NRG1: variants seen among roughly 807,000 people sequenced by gnomAD.
NRG1 encodes neuregulin 1, also known as pro-neuregulin-1, membrane-bound isoform.
NRG1 carries 18 observed loss-of-function variants against 63.8 expected under a neutral mutation model. That is an observed-to-expected ratio of 0.28 (90% CI 0.19 to 0.42). NRG1 has a LOEUF of 0.42. Ranked by LOEUF, NRG1 falls within the 10% of genes least tolerant of loss-of-function variation. NRG1 has a pLI of 1.00. For missense variants in NRG1, 762 were observed against 814.7 expected (o/e 0.94, Z 0.79); for synonymous variants, 302 against 301.3 (o/e 1.00, Z -0.02).
intron 1 of NRG1, among the ~76,000 whole-genome samples, chr8:32,133,449 C>T (rs555678093): frequency 1.2e-4 from 19 of 152,004 alleles, no homozygotes; most frequent in Non-Finnish European, 1.3e-4. Context: ...ATGACAGGAA[C>T]CCATGTGGTT....
At chr8:32,759,954 G>A (rs776236229) in intron 10 of NRG1, among the ~76,000 whole-genome samples, 3 of 152,066 alleles carry the variant, frequency 2.0e-5, no homozygotes, top group Non-Finnish European at 4.4e-5. Context: ...AGTGGCATTC[G>A]AAAATATTTA....
At chr8:31,839,149 T>A (rs1825955734) in intron 1 of NRG1, among the ~76,000 whole-genome samples, 1 of 152,230 alleles carries the variant, frequency 6.6e-6, no homozygotes, top group African/African-American at 2.4e-5. Context: ...ATAAATGAAC[T>A]ATTTTAGCCT....
chr8:31,906,087 C>T (rs1301380976), intron 1 of NRG1, among the ~76,000 whole-genome samples: 3 of 152,168 alleles, frequency 2.0e-5, no homozygotes, highest in Non-Finnish European at 4.4e-5. Context: ...GTCAGGAATC[C>T]AACAACAGCT....
intron 1 of NRG1, among the ~76,000 whole-genome samples, chr8:31,643,318 A>C (rs1280512085): frequency 6.6e-6 from 1 of 152,232 alleles, no homozygotes; most frequent in African/African-American, 2.4e-5. Context: ...ATTTTGTGAT[A>C]TCATACCCAG....
Position 32,384,027 on chromosome 8 carries a change from G to A in NRG1, c.38-211801G>A, listed in dbSNP as rs113990539. On this transcript the variant is annotated intron_variant, in intron 1 of 10. Transcript: ENST00000519301. ...AGGAGGGAGGATCACTTGAGCCCAG[G>A]AGTTTAAGATCAGACTAGGCAACAT... Among the ~76,000 whole-genome samples the A allele has an allele frequency of 2.5e-3, 381 of 152,246 alleles. 3 individuals carry two copies. Among genetic ancestry groups the A allele is most frequent in the African/African-American group, 8.9e-3 (370 of 41,544 alleles).
intron 1 of NRG1, among the ~76,000 whole-genome samples, chr8:32,176,420 A>G (rs1010987836): frequency 1.3e-5 from 2 of 152,254 alleles, no homozygotes; most frequent in Admixed American, 6.5e-5. Context: ...GGCATGGACA[A>G]GGACTTCATG....
At chr8:32,647,321 G>A in intron 5 of NRG1, 1 of 985,372 alleles carries the variant, frequency 1.0e-6, no homozygotes, top group Non-Finnish European at 1.2e-6. Context: ...TTCTTCATCT[G>A]AGCAGACACC....
intron 1 of NRG1, among the ~76,000 whole-genome samples, chr8:32,329,441 GA>G (rs1222373548): frequency 2.6e-5 from 4 of 152,038 alleles, no homozygotes; most frequent in Admixed American, 6.5e-5. Flanking sequence ...TCAGAAAAGT[GA>G]AAAAAAGTTT....
intron 1 of NRG1, among the ~76,000 whole-genome samples, chr8:32,524,215 G>C (rs1180479420): frequency 6.6e-6 from 1 of 152,098 alleles, no homozygotes; most frequent in Non-Finnish European, 1.5e-5. Context: ...TGAGCCTAGA[G>C]GGTGGAGGTT....
chr8:31,882,508 A>G (rs538621460), intron 1 of NRG1, among the ~76,000 whole-genome samples: 1 of 152,186 alleles, frequency 6.6e-6, no homozygotes, highest in Admixed American at 6.5e-5. Flanking sequence ...TCAACGTCTA[A>G]GTCTTGTTAT....
intron 1 of NRG1, chr8:31,639,816 C>T (rs1466227056): frequency 1.6e-5 from 20 of 1,228,866 alleles, no homozygotes; most frequent in Non-Finnish European, 1.9e-5. Context: ...CCCCCTCCTC[C>T]TCCCATAAAC....
intron 1 of NRG1, among the ~76,000 whole-genome samples, chr8:31,841,591 A>G (rs1377937065): frequency 6.6e-6 from 1 of 152,202 alleles, no homozygotes; most frequent in Non-Finnish European, 1.5e-5. Flanking sequence ...ATACCAGAAA[A>G]GGGTGCCAGC....
At chr8:32,142,680 A>G (rs1028736002) in intron 1 of NRG1, among the ~76,000 whole-genome samples, 4 of 152,198 alleles carry the variant, frequency 2.6e-5, no homozygotes, top group Non-Finnish European at 5.9e-5. Context: ...TGAAGCACAG[A>G]GCAAAAGGAA....
chr8:31,811,201 T>C (rs1822850861), intron 1 of NRG1, among the ~76,000 whole-genome samples: 1 of 152,344 alleles, frequency 6.6e-6, no homozygotes, highest in African/African-American at 2.4e-5. Flanking sequence ...TCCTGGTTAC[T>C]GCCTCTTGGC....
rs1428202226 is a variant in NRG1 at position 32,558,182 on chromosome 8, G to A, written c.100+9356G>A. Among the ~76,000 whole-genome samples the A allele has an allele frequency of 2.0e-5, 3 of 152,154 alleles. No homozygotes were observed. In the East Asian group the frequency reaches 5.8e-4, roughly 29 times the overall value. ...CCTCTACGGAGTCATCGCCTTCTCA[G>A]ACTGAATCCACACAAGGCCGCCTTG... On this transcript the variant is annotated intron_variant, in intron 1 of 11. Coordinates refer to ENST00000356819, the Ensembl canonical transcript of NRG1.
chr8:31,933,925 T>C (rs1284327762), intron 1 of NRG1, among the ~76,000 whole-genome samples: 1 of 152,158 alleles, frequency 6.6e-6, no homozygotes, highest in Non-Finnish European at 1.5e-5. Context: ...ACACCTGTGA[T>C]GGAAAAAATG....
intron 1 of NRG1, among the ~76,000 whole-genome samples, chr8:31,656,858 C>G (rs955442329): frequency 6.6e-6 from 1 of 152,170 alleles, no homozygotes; most frequent in African/African-American, 2.4e-5. Context: ...TGCCTTGTCA[C>G]ATAAATACTT....
At chr8:31,933,349 C>T (rs191180337) in intron 1 of NRG1, among the ~76,000 whole-genome samples, 1,713 of 151,890 alleles carry the variant, frequency 0.011, 27 homozygotes, top group African/African-American at 0.039. Flanking sequence ...GGCACCATCT[C>T]GGCTCACTGC....
At chr8:32,395,829 C>G (rs1203627030) in intron 1 of NRG1, among the ~76,000 whole-genome samples, 5 of 152,000 alleles carry the variant, frequency 3.3e-5, no homozygotes, top group African/African-American at 4.8e-5. Context: ...CAAGGATTTT[C>G]TCCTATTTTT....
Sources: allele counts gnomAD v4.1 joint callset (sites outside exome capture counted in the v4.1 genomes callset), GRCh38; gene constraint gnomAD v4.1.1; transcripts MANE v1.5; gene names NCBI Gene and HGNC (gene_info 2026-07-23, HGNC 2026-07-21).